ARHGEF7: variants seen among roughly 807,000 people sequenced by gnomAD.
ARHGEF7 encodes Rho guanine nucleotide exchange factor 7.
ARHGEF7 carries 33 observed loss-of-function variants against 109.8 expected under a neutral mutation model. The ratio of observed to expected loss-of-function variants is 0.30; its 90% CI spans 0.23 to 0.40. The LOEUF (loss-of-function observed/expected upper bound fraction) is 0.40. ARHGEF7 is among the 10% of genes least tolerant of loss of function. The pLI, the probability that ARHGEF7 is intolerant of heterozygous loss-of-function variation, is 1.00. For missense variants in ARHGEF7, 938 were observed against 1,098.5 expected, an observed-to-expected ratio of 0.85 and a Z score of 2.07; for synonymous variants, 458 against 424.6, an observed-to-expected ratio of 1.08 and a Z score of -0.97.
rs901057473 is a variant in ARHGEF7 at position 111,153,572 on chromosome 13, G to C, written c.166-333G>C. ...TCGCCGGCAAAGCAGGGTGGGCTGCGTCCGCGGGGGCGAACACCCGACGCT... is the reference window on the plus strand; with the variant it reads ...TCGCCGGCAAAGCAGGGTGGGCTGCCTCCGCGGGGGCGAACACCCGACGCT... On this transcript the variant is annotated intron_variant, in intron 1 of 21. Transcript: ENST00000646102. 15 of 1,058,212 alleles carry C rather than the reference G, an allele frequency of 1.4e-5. No individual in the cohort carries two copies. The African/African-American group carries it at 2.1e-4, about 14-fold the overall frequency. The allele number at this position is 1,058,212 out of a possible 1,614,324, so 65.6% of individuals were successfully genotyped here.
chr13:111,302,131 C>T (rs770873412), intron 21 of ARHGEF7, among the ~76,000 whole-genome samples: 4 of 152,220 alleles, frequency 2.6e-5, no homozygotes, highest in African/African-American at 4.8e-5. Context: ...TGAGATTAGC[C>T]TCTGCCACTG....
intron 2 of ARHGEF7, among the ~76,000 whole-genome samples, chr13:111,163,613 G>A (rs2076908379): frequency 6.6e-6 from 1 of 151,964 alleles, no homozygotes; most frequent in Non-Finnish European, 1.5e-5. Flanking sequence ...TACCCAGGCT[G>A]GAGTACAGTG....
At chr13:111,202,916 C>G (rs1021014486) in intron 2 of ARHGEF7, 1 of 268,060 alleles carries the variant, frequency 3.7e-6, no homozygotes, top group African/African-American at 2.3e-5. Context: ...CATTGTCTAG[C>G]TTCCTGTTGA....
At chr13:111,250,650 G>A (rs1008856907) in intron 8 of ARHGEF7, among the ~76,000 whole-genome samples, 1 of 152,116 alleles carries the variant, frequency 6.6e-6, no homozygotes, top group Non-Finnish European at 1.5e-5. Flanking sequence ...TGTCTCCCAC[G>A]AGACTGCCAC....
intron 2 of ARHGEF7, among the ~76,000 whole-genome samples, chr13:111,204,766 G>C (rs1358820943): frequency 6.6e-6 from 1 of 152,140 alleles, no homozygotes; most frequent in East Asian, 1.9e-4. Flanking sequence ...TTTCCTATCT[G>C]GGATCTGCTT....
rs150612544 is a variant in ARHGEF7, at chr13:111,275,926, A to G, written c.1419+248A>G. 6,795 of 471,842 alleles carry G rather than the reference A, an allele frequency of 0.014. 58 individuals carry two copies. Among genetic ancestry groups the G allele is most frequent in the Middle Eastern group, 0.041 (67 of 1,654 alleles). The allele number at this position is 471,842 out of a possible 1,614,324, so 29.2% of individuals were successfully genotyped here. On this transcript the variant is annotated intron_variant, in intron 12 of 21. Transcript: ENST00000646102. ...TCAGTGTGGCCCGAAGCCCACGTGA[A>G]CTGAAGGATAGATAGTGTGCAGAAA...
chr13:111,212,521 G>C (rs2082626432), intron 4 of ARHGEF7, among the ~76,000 whole-genome samples: 1 of 152,196 alleles, frequency 6.6e-6, no homozygotes. Context: ...AGTGCTGAAT[G>C]CTGTTCTCAG....
intron 2 of ARHGEF7, among the ~76,000 whole-genome samples, chr13:111,162,928 C>G (rs1416028041): frequency 2.0e-5 from 3 of 152,184 alleles, no homozygotes; most frequent in African/African-American, 7.2e-5. Context: ...GGACGCCCAG[C>G]CAAGTGTTGT....
rs139151400 is a variant in ARHGEF7, at chr13:111,240,847, A to G, written c.760-3025A>G. Among the ~76,000 whole-genome samples, 90 of 152,362 alleles carry G rather than the reference A, an allele frequency of 5.9e-4. 1 individual carries two copies. In the East Asian group the frequency reaches 0.016, roughly 27 times the overall value. ...AATCTTTTATACAGATGAAACAAAA[A>G]AAATTAATGTTCTTTGTTCTCTTAT... is the stretch of plus-strand genomic sequence containing the variant. On this transcript the variant is annotated intron_variant, in intron 6 of 21. Coordinates refer to ENST00000646102, the MANE Select transcript of ARHGEF7 (RefSeq NM_001354046.2).
chr13:111,219,584 C>T (rs1264436225), intron 5 of ARHGEF7, among the ~76,000 whole-genome samples: 1 of 152,042 alleles, frequency 6.6e-6, no homozygotes, highest in Non-Finnish European at 1.5e-5. Flanking sequence ...AGCGGCTGGA[C>T]CATGTCGCAT....
chr13:111,209,954 T>G lies in ARHGEF7; in HGVS notation c.420T>G (p.Ser140=), dbSNP rs767811644. ...CTTTTGACTCCCTTGGATCACAGTC[T>G]TTGCACACTCGGACTTCAAAACTGT... ...IKSFDSLGSQ[S]LHTRTSKLFQ... The change falls in exon 4 of 22, where the codon TCT becomes TCG. Residue 140 remains serine, a synonymous_variant. Transcript: ENST00000646102. The G allele has an allele frequency of 6.2e-6, 10 of 1,614,118 alleles. No individual in the cohort carries two copies. The highest frequency in any genetic ancestry group is 2.2e-5 in the South Asian group (2 of 91,088).
chr13:111,243,240 TGA>T (rs1420866165), intron 6 of ARHGEF7, among the ~76,000 whole-genome samples: 1 of 152,126 alleles, frequency 6.6e-6, no homozygotes, highest in Non-Finnish European at 1.5e-5. Flanking sequence ...TTTTTTTAGT[TGA>T]GAGTAATATT....
chr13:111,158,993 C>G, intron 2 of ARHGEF7: 1 of 717,948 alleles, frequency 1.4e-6, no homozygotes, highest in South Asian at 1.5e-5. Flanking sequence ...AAATTTTGTA[C>G]CCTTTGACTA....
chr13:111,206,975 A>G lies in ARHGEF7; in HGVS notation c.337+1602A>G, dbSNP rs1419939984. On this transcript the variant is annotated intron_variant, in intron 3 of 21. Coordinates refer to ENST00000646102, the MANE Select transcript of ARHGEF7 (RefSeq NM_001354046.2). ...AGACTCCATCTAAAAAAAAAAAAAAAGAAAAAGAAAAAAAAAGAAAATCAC... is the reference window on the plus strand; with the variant it reads ...AGACTCCATCTAAAAAAAAAAAAAAGGAAAAAGAAAAAAAAAGAAAATCAC... Among the ~76,000 whole-genome samples the G allele has an allele frequency of 2.5e-3, 293 of 118,908 alleles. 8 individuals carry two copies. The highest frequency in any genetic ancestry group is 7.5e-3 in the African/African-American group (251 of 33,412). 78.0% of individuals were successfully genotyped at this position (118,908 alleles called of 152,430 possible).
chr13:111,292,652 G>A, intron 19 of ARHGEF7: 1 of 1,128,766 alleles, frequency 8.9e-7, no homozygotes, highest in South Asian at 2.8e-5. Context: ...TCTGGATACA[G>A]CTGTATGAAC....
intron 2 of ARHGEF7, among the ~76,000 whole-genome samples, chr13:111,187,735 A>G (rs1231814381): frequency 1.3e-5 from 2 of 152,240 alleles, no homozygotes; most frequent in African/African-American, 2.4e-5. Flanking sequence ...AGTCACTAAT[A>G]TCGGGGTATC....
At chr13:111,298,015 ACT>A (rs2093464597) in intron 19 of ARHGEF7, among the ~76,000 whole-genome samples, 1 of 152,238 alleles carries the variant, frequency 6.6e-6, no homozygotes, top group Non-Finnish European at 1.5e-5. Context: ...TGTGAATTTG[ACT>A]CTGAAACAGT....
At chr13:111,193,461 C>T (rs1041566021) in intron 2 of ARHGEF7, among the ~76,000 whole-genome samples, 53 of 152,252 alleles carry the variant, frequency 3.5e-4, no homozygotes, top group African/African-American at 1.2e-3. Context: ...TGGGTTTTTG[C>T]ACTGCGTGCA....
chr13:111,291,384 C>G (rs1490833889), intron 18 of ARHGEF7, among the ~76,000 whole-genome samples: 7 of 152,266 alleles, frequency 4.6e-5, no homozygotes, highest in African/African-American at 1.4e-4. Context: ...AGCAGAGGGT[C>G]TGCATTGGGG....
Sources: allele counts gnomAD v4.1 joint callset (sites outside exome capture counted in the v4.1 genomes callset), GRCh38; gene constraint gnomAD v4.1.1; transcripts MANE v1.5; gene names NCBI Gene and HGNC (gene_info 2026-07-23, HGNC 2026-07-21).